ABLIM2: variants seen among roughly 807,000 people sequenced by gnomAD.
ABLIM2 encodes actin binding LIM protein family member 2, also known as actin-binding LIM protein 2.
ABLIM2 carries 53 observed loss-of-function variants against 97.7 expected under a neutral mutation model. The ratio of observed to expected loss-of-function variants is 0.54; its 90% CI spans 0.44 to 0.68. The LOEUF is 0.68. ABLIM2 is among the 30% of genes least tolerant of loss of function. ABLIM2 has a pLI of 0.00. For missense variants in ABLIM2, 835 were observed against 867.2 expected (o/e 0.96, Z 0.47); for synonymous variants, 361 against 345.8 (o/e 1.04, Z -0.49).
chr4:8,051,493 G>T (rs947472948), intron 8 of ABLIM2, among the ~76,000 whole-genome samples: 1 of 147,208 alleles, frequency 6.8e-6, no homozygotes, highest in South Asian at 2.1e-4. Context: ...GGAAGCAGAG[G>T]TTGCAGTGAG....
rs565268873 is a variant in ABLIM2 at position 8,128,981 on chromosome 4, T to C, written c.11-22344A>G. Among the ~76,000 whole-genome samples the C allele has an allele frequency of 7.2e-5, 11 of 152,100 alleles. No individual in the cohort carries two copies. The South Asian group carries it at 1.7e-3, about 23-fold the overall frequency. On this transcript the variant is annotated intron_variant, in intron 1 of 20. Transcript: ENST00000447017. The surrounding 1 kb of genome is among the most constrained non-coding windows in gnomAD (Gnocchi z 4.9). ...CTATTATTCAGAAGCCACCAGTCTA[T>C]GAGGCTTCGTTGAGCTGCACCGAGA...
At chr4:8,014,573 GT>G (rs1767474070) in intron 14 of ABLIM2, among the ~76,000 whole-genome samples, 1 of 152,242 alleles carries the variant, frequency 6.6e-6, no homozygotes, top group South Asian at 2.1e-4. Context: ...CCTCTCACCT[GT>G]CTGGCCGTGG....
Position 8,075,384 on chromosome 4 carries a change from G to T in ABLIM2, c.675+2244C>A, listed in dbSNP as rs1390607896. Among the ~76,000 whole-genome samples, 1 of 152,122 alleles carries T rather than the reference G, an allele frequency of 6.6e-6. No homozygotes were observed. The highest frequency in any genetic ancestry group is 6.5e-5 in the Admixed American group (1 of 15,268). ...GTGGAGATGGCTGCAAATATCTATG[G>T]TTATTGATAAAGAAAACCATTGAAT... On this transcript the variant is annotated intron_variant, in intron 6 of 20. Coordinates refer to ENST00000447017, the MANE Select transcript of ABLIM2 (RefSeq NM_001130083.2). The surrounding 1 kb of genome is among the most constrained non-coding windows in gnomAD (Gnocchi z 4.4).
At chr4:8,056,464 C>A (rs538559699) in intron 7 of ABLIM2, among the ~76,000 whole-genome samples, 9 of 151,820 alleles carry the variant, frequency 5.9e-5, no homozygotes, top group Non-Finnish European at 1.5e-5. Context: ...CCATGCCCAG[C>A]TAATTTTTCA....
intron 16 of ABLIM2, 146 bp downstream of exon 16, chr4:8,007,913 G>A (rs1008941669): frequency 2.5e-5 from 36 of 1,464,812 alleles, no homozygotes; most frequent in African/African-American, 1.8e-4. Flanking sequence ...ATTTCCTTCC[G>A]GTCGGTCCTT....
chr4:8,021,327 A>G lies in ABLIM2; in HGVS notation c.1268-1024T>C, dbSNP rs1223523518. Among the ~76,000 whole-genome samples the G allele has an allele frequency of 6.6e-6, 1 of 151,878 alleles. No individual in the cohort carries two copies. Among genetic ancestry groups the G allele is most frequent in the Non-Finnish European group, 1.5e-5 (1 of 67,966 alleles). The stretch of plus-strand genomic sequence containing the variant: ...ACCTGGGTGACGCCCCTCCCCCCAC[A>G]CCTGTTTGGGGAATGAGGTGACAGA... On this transcript the variant is annotated intron_variant, in intron 12 of 20. Transcript: ENST00000447017. This position sits in a 1 kb window ranked among gnomAD's most constrained non-coding sequence, Gnocchi z 5.5.
intron 1 of ABLIM2, among the ~76,000 whole-genome samples, chr4:8,151,676 T>C (rs187048381): frequency 6.6e-4 from 100 of 152,184 alleles, no homozygotes; most frequent in African/African-American, 1.9e-3. Flanking sequence ...ACCCCGAGGA[T>C]GGCAGTGGCC....
rs545310468 is a variant in ABLIM2, at chr4:8,022,749, A to T, written c.1268-2446T>A. 6.6e-6 allele frequency: 1 copy of T among 152,634 alleles called. No homozygotes were observed. The highest frequency in any genetic ancestry group is 1.5e-5 in the Non-Finnish European group (1 of 68,330). The allele number at this position is 152,634 out of a possible 1,614,324, so 9.5% of individuals were successfully genotyped here. ...GTGAGGCTTCGTTGGAACAAAATGC[A>T]TCGCCAGCTCCCACCTGGAGCACTG... is the stretch of plus-strand genomic sequence containing the variant. On this transcript the variant is annotated intron_variant, in intron 12 of 20. Coordinates refer to ENST00000447017, the MANE Select transcript of ABLIM2 (RefSeq NM_001130083.2). This position sits in a 1 kb window ranked among gnomAD's most constrained non-coding sequence, Gnocchi z 7.8.
At chr4:7,989,251 C>T (rs1746823525) in intron 17 of ABLIM2, among the ~76,000 whole-genome samples, 1 of 151,804 alleles carries the variant, frequency 6.6e-6, no homozygotes, top group South Asian at 2.1e-4. Flanking sequence ...GCTAATTTTT[C>T]TATTTTTAGT....
intron 14 of ABLIM2, among the ~76,000 whole-genome samples, chr4:8,012,207 G>A (rs189864080): frequency 2.1e-4 from 25 of 117,440 alleles, no homozygotes; most frequent in African/African-American, 8.5e-4. Flanking sequence ...CCATTCACCC[G>A]CCTATACATC....
chr4:8,145,138 C>T (rs1037573451), intron 1 of ABLIM2, among the ~76,000 whole-genome samples: 6 of 151,956 alleles, frequency 3.9e-5, no homozygotes, highest in Admixed American at 6.6e-5. Context: ...TCTACAGCCT[C>T]GCTCCTGTGC....
chr4:8,110,682 T>A (rs1839904715), intron 1 of ABLIM2, among the ~76,000 whole-genome samples: 1 of 152,032 alleles, frequency 6.6e-6, no homozygotes, highest in Non-Finnish European at 1.5e-5. Flanking sequence ...GGGGTGAGGG[T>A]TGAGGGAAGC....
chr4:7,980,941 A>ATCTTTTT (rs1483414043), intron 20 of ABLIM2, among the ~76,000 whole-genome samples: 2,861 of 82,718 alleles, frequency 0.035, 303 homozygotes, highest in African/African-American at 0.11. Flanking sequence ...ACAACCCCTT[A>ATCTTTTT]TTTTTTTTTT....
chr4:8,039,262 T>G (rs542356838), intron 9 of ABLIM2, among the ~76,000 whole-genome samples: 172 of 152,060 alleles, frequency 1.1e-3, no homozygotes, highest in Non-Finnish European at 2.2e-3. Flanking sequence ...CTTCCCCACC[T>G]CCGTCCCCTC....
chr4:8,107,810 C>T (rs190200038), intron 1 of ABLIM2, among the ~76,000 whole-genome samples: 168 of 152,270 alleles, frequency 1.1e-3, no homozygotes, highest in Non-Finnish European at 2.0e-3. Flanking sequence ...ATGATGTGAT[C>T]GTCTAGCTGA....
intron 20 of ABLIM2, among the ~76,000 whole-genome samples, chr4:7,976,908 C>T (rs57405336): frequency 1.9e-4 from 9 of 47,858 alleles, no homozygotes; most frequent in African/African-American, 5.7e-4. Flanking sequence ...CATACATGTA[C>T]ACACACACAT....
chr4:8,051,384 T>TA (rs35706789), intron 8 of ABLIM2, among the ~76,000 whole-genome samples: 116,899 of 147,534 alleles, frequency 0.79, 46,245 homozygotes, highest in East Asian at 0.85. Flanking sequence ...CTGTCTCTAC[T>TA]AAAAAAAAAA....
intron 20 of ABLIM2, among the ~76,000 whole-genome samples, chr4:7,979,177 T>TAAGTCAA (rs1173422917): frequency 2.6e-5 from 4 of 152,248 alleles, no homozygotes; most frequent in Non-Finnish European, 5.9e-5. Context: ...TCTGTGGGGT[T>TAAGTCAA]AAGTCCAAAT....
rs1797783068 is a variant in ABLIM2 at position 8,054,433 on chromosome 4, C to T, written c.764-187G>A. The stretch of plus-strand genomic sequence containing the variant: ...GGGCAGGGGGTACCCAGATCACAGT[C>T]CCCGCCCCTCAGGGGCTCACAGCCC... On this transcript the variant is annotated intron_variant, in intron 7 of 20. Coordinates refer to ENST00000447017, the MANE Select transcript of ABLIM2 (RefSeq NM_001130083.2). This position sits in a 1 kb window ranked among gnomAD's most constrained non-coding sequence, Gnocchi z 4.9. Among the ~76,000 whole-genome samples, 3 of 152,244 alleles carry T rather than the reference C, an allele frequency of 2.0e-5. No homozygotes were observed. The South Asian group carries it at 6.2e-4, about 31-fold the overall frequency.
Sources: gnomAD v4.1 joint callset for allele counts (sites outside exome capture counted in the v4.1 genomes callset) on GRCh38, gnomAD v4.1.1 for gene constraint, Gnocchi (gnomAD v3.1) non-coding constraint, MANE v1.5 for transcripts, NCBI Gene and HGNC (gene_info 2026-07-23, HGNC 2026-07-21) for gene names.